Variants in ARHGAP26 observed in about 807,000 individuals in gnomAD.
ARHGAP26 encodes the protein rho GTPase-activating protein 26.
Under a neutral mutation model 104.8 loss-of-function variants are expected in ARHGAP26, and 38 were observed. The observed-to-expected ratio is 0.36, with a 90% CI of 0.28 to 0.48. The LOEUF (loss-of-function observed/expected upper bound fraction) is 0.48, where lower values mean the gene tolerates loss of function less well. ARHGAP26 is among the 20% of genes least tolerant of loss of function. The pLI is 0.99. For synonymous variants in ARHGAP26, 341 were observed against 340.0 expected (o/e 1.00, Z -0.03); for missense variants, 704 against 947.9 (o/e 0.74, Z 3.38).
chr5:142,928,692 C>T (rs1005296858), intron 10 of ARHGAP26, among the ~76,000 whole-genome samples: 7 of 152,164 alleles, frequency 4.6e-5, no homozygotes, highest in African/African-American at 1.7e-4. Flanking sequence ...GTTTTCTCAT[C>T]TGCTAAAGGG....
At chr5:142,889,383 C>T (rs568365290) in intron 5 of ARHGAP26, among the ~76,000 whole-genome samples, 18 of 151,694 alleles carry the variant, frequency 1.2e-4, no homozygotes, top group African/African-American at 3.4e-4. Context: ...TAGGCCAAGG[C>T]GGGTGGATCA....
At chr5:143,159,859 G>T (rs1800969752) in intron 20 of ARHGAP26, among the ~76,000 whole-genome samples, 1 of 152,130 alleles carries the variant, frequency 6.6e-6, no homozygotes. Flanking sequence ...AGGCAGATGG[G>T]ATGGTGATCT....
At chr5:142,997,082 A>T (rs572472958) in intron 11 of ARHGAP26, among the ~76,000 whole-genome samples, 1 of 149,010 alleles carries the variant, frequency 6.7e-6, no homozygotes, top group South Asian at 2.1e-4. Context: ...GTGAATGAGC[A>T]TAGCTGTTTT....
At chr5:142,869,476 C>T (rs1161958307) in intron 1 of ARHGAP26, among the ~76,000 whole-genome samples, 6 of 151,982 alleles carry the variant, frequency 3.9e-5, no homozygotes, top group South Asian at 2.1e-4. Context: ...GCCTTGGCCT[C>T]CCGGAACTGT....
rs1342197102 is a variant in ARHGAP26, at chr5:143,190,035, GA to G, written c.1989-17150del. On this transcript the variant is annotated intron_variant, in intron 20 of 22. Transcript: ENST00000645722. The stretch of plus-strand genomic sequence containing the variant: ...CTTTGGAGGACAGAAGGAGGGGGGG[GA>G]AAAAAAAAAAAAGACCTGGTTTCTG... 6.0e-3 allele frequency among the ~76,000 whole-genome samples: 866 copies of G among 144,748 alleles called. 4 individuals are homozygous for G. The highest frequency in any genetic ancestry group is 0.015 in the South Asian group (71 of 4,678). 95.0% of individuals were successfully genotyped at this position (144,748 alleles called of 152,430 possible).
chr5:143,107,803 C>T (rs1048875541), intron 17 of ARHGAP26, among the ~76,000 whole-genome samples: 1 of 152,204 alleles, frequency 6.6e-6, no homozygotes, highest in Non-Finnish European at 1.5e-5. Flanking sequence ...TCTCTGGTTT[C>T]TGTTGTCAAC....
At chr5:143,216,388 A>G (rs35995107) in intron 22 of ARHGAP26, 6,219 of 448,882 alleles carry the variant, frequency 0.014, 344 homozygotes, top group African/African-American at 0.11. Flanking sequence ...GTGGCCTCCC[A>G]TTGCTCTGAG....
chr5:143,182,518 T>G (rs1414409054), intron 20 of ARHGAP26, among the ~76,000 whole-genome samples: 1 of 152,222 alleles, frequency 6.6e-6, no homozygotes, highest in Non-Finnish European at 1.5e-5. Flanking sequence ...AAATATTTGT[T>G]AAGTGAATCC....
At chr5:142,924,204 T>G (rs974187010) in intron 10 of ARHGAP26, among the ~76,000 whole-genome samples, 1 of 152,036 alleles carries the variant, frequency 6.6e-6, no homozygotes, top group Admixed American at 6.6e-5. Flanking sequence ...GACCCTTGCT[T>G]CCTCCCTCCC....
rs1476561910 is a variant in ARHGAP26, at chr5:142,871,347, C to A, written c.155-2053C>A. Among the ~76,000 whole-genome samples, 2 of 152,224 alleles carry A rather than the reference C, an allele frequency of 1.3e-5. No homozygotes were observed. Among genetic ancestry groups the A allele is most frequent in the African/African-American group, 4.8e-5 (2 of 41,452 alleles). On this transcript the variant is annotated intron_variant, in intron 1 of 22. Transcript: ENST00000645722. This position sits in a 1 kb window ranked among gnomAD's most constrained non-coding sequence, Gnocchi z 4.1. Reference sequence around the variant, plus strand: ...CTCCTGGCAGCTGCCCTTGGCAGTGCGGCTTTTCAGGTGTGTGCTGGGAGC... The same window carrying A: ...CTCCTGGCAGCTGCCCTTGGCAGTGAGGCTTTTCAGGTGTGTGCTGGGAGC...
At chr5:142,957,235 T>G (rs79658016) in intron 11 of ARHGAP26, among the ~76,000 whole-genome samples, 1,981 of 152,316 alleles carry the variant, frequency 0.013, 43 homozygotes, top group African/African-American at 0.045. Flanking sequence ...TTGATAGTGC[T>G]GTAATAAAGC....
At chr5:142,789,322 C>T (rs1266045437) in intron 1 of ARHGAP26, among the ~76,000 whole-genome samples, 3 of 152,176 alleles carry the variant, frequency 2.0e-5, no homozygotes, top group Non-Finnish European at 4.4e-5. Context: ...CTGGCTTGCT[C>T]AGTGGAGATA....
intron 1 of ARHGAP26, among the ~76,000 whole-genome samples, chr5:142,803,504 G>A (rs1412900071): frequency 2.6e-5 from 4 of 152,322 alleles, no homozygotes; most frequent in African/African-American, 9.6e-5. Flanking sequence ...TTTCACGAAA[G>A]GTCCCGTCAT....
Position 142,944,325 on chromosome 5 carries a change from A to G in ARHGAP26, c.1107+12200A>G, listed in dbSNP as rs146599494. On this transcript the variant is annotated intron_variant, in intron 11 of 22. Coordinates refer to ENST00000645722, the MANE Select transcript of ARHGAP26 (RefSeq NM_001135608.3). Reference sequence around the variant, plus strand: ...GTTTTCAGCTTTTGATGACATCATTATGAACAACGGCTTGGAAATCCTTGT... The same window carrying G: ...GTTTTCAGCTTTTGATGACATCATTGTGAACAACGGCTTGGAAATCCTTGT... Among the ~76,000 whole-genome samples the G allele has an allele frequency of 2.0e-5, 3 of 152,352 alleles. No homozygotes were observed. The East Asian group carries it at 5.8e-4, about 29-fold the overall frequency.
At chr5:143,174,226 A>G (rs1217165430) in intron 20 of ARHGAP26, among the ~76,000 whole-genome samples, 1 of 152,220 alleles carries the variant, frequency 6.6e-6, no homozygotes, top group Non-Finnish European at 1.5e-5. Flanking sequence ...CCGGTTGGGT[A>G]TGTTGTTGTA....
At chr5:142,986,407 A>T (rs1232776990) in intron 11 of ARHGAP26, among the ~76,000 whole-genome samples, 1 of 152,216 alleles carries the variant, frequency 6.6e-6, no homozygotes, top group Non-Finnish European at 1.5e-5. Flanking sequence ...TCTGGATATT[A>T]GCCCTTTGTC....
At chr5:142,944,790 G>A (rs896956191) in intron 11 of ARHGAP26, among the ~76,000 whole-genome samples, 30 of 152,176 alleles carry the variant, frequency 2.0e-4, no homozygotes, top group Admixed American at 9.2e-4. Context: ...CTGGCCTTGG[G>A]ATTATACCCA....
At chr5:142,841,678 A>C (rs555344414) in intron 1 of ARHGAP26, among the ~76,000 whole-genome samples, 1 of 152,224 alleles carries the variant, frequency 6.6e-6, no homozygotes, top group Non-Finnish European at 1.5e-5. Flanking sequence ...CAGAGGCCTG[A>C]CTTCATCTTG....
chr5:143,096,845 G>A (rs1792398234), intron 17 of ARHGAP26, among the ~76,000 whole-genome samples: 4 of 152,148 alleles, frequency 2.6e-5, no homozygotes, highest in Admixed American at 1.3e-4. Context: ...CCTCCCCGTA[G>A]TTAATGGACC....
Sources: allele counts gnomAD v4.1 joint callset (sites outside exome capture counted in the v4.1 genomes callset), GRCh38; gene constraint gnomAD v4.1.1; non-coding constraint Gnocchi (gnomAD v3.1); transcripts MANE v1.5; gene names NCBI Gene and HGNC (gene_info 2026-07-23, HGNC 2026-07-21).